Variants in IGF2R observed in about 807,000 individuals in gnomAD.
IGF2R encodes cation-independent mannose-6-phosphate receptor.
In IGF2R, 91 loss-of-function variants were observed where a neutral mutation model predicts 270.6. The ratio of observed to expected loss-of-function variants is 0.34; its 90% CI spans 0.28 to 0.40. The LOEUF is 0.40. IGF2R is among the 10% of genes least tolerant of loss of function. The pLI is 1.00. For synonymous variants in IGF2R, 1,316 were observed against 1,258.9 expected (o/e 1.05, Z -0.96); for missense variants, 2,805 against 3,188.3 (o/e 0.88, Z 2.90).
At chr6:160,064,655 C>T (rs1011164159) in intron 28 of IGF2R, 124 bp downstream of exon 28, 13 of 1,203,948 alleles carry the variant, frequency 1.1e-5, no homozygotes, top group Non-Finnish European at 1.6e-5. Flanking sequence ...TTAAAATAAC[C>T]ATTTACAGAA....
rs533897936 is a variant in IGF2R at position 160,017,716 on chromosome 6, G to GA, written c.514-6848dup. ...GGTTTCTCTTTTCAAGGTGCTTAAG[G>GA]AAAAAAAATCTGTCAACCCTGAATT... is the stretch of plus-strand genomic sequence containing the variant. On this transcript the variant is annotated intron_variant, in intron 4 of 47. Transcript: ENST00000356956. 5.5e-4 allele frequency among the ~76,000 whole-genome samples: 84 copies of GA among 151,904 alleles called. No individual in the cohort carries two copies. In the East Asian group the frequency reaches 0.014, roughly 25 times the overall value.
intron 1 of IGF2R, among the ~76,000 whole-genome samples, chr6:159,980,180 C>CA (rs1203923958): frequency 1.1e-5 from 1 of 87,326 alleles, no homozygotes; most frequent in African/African-American, 4.7e-5. Context: ...GACTCCGTCT[C>CA]AAAAAAGAAA....
At chr6:160,086,459 C>T (rs1022450454) in intron 41 of IGF2R, among the ~76,000 whole-genome samples, 5 of 152,158 alleles carry the variant, frequency 3.3e-5, no homozygotes, top group Admixed American at 1.3e-4. Flanking sequence ...ACCAACATGT[C>T]TCAAGCAGCT....
At chr6:160,065,166 T>C (rs1562364109) in intron 29 of IGF2R, among the ~76,000 whole-genome samples, 2 of 152,168 alleles carry the variant, frequency 1.3e-5, no homozygotes, top group Non-Finnish European at 1.5e-5. Context: ...CACATGTCAG[T>C]GAGCAGAGTG....
rs777837703 is a variant in IGF2R at position 160,068,400 on chromosome 6, C to T, written c.4252+15C>T. 15 of 1,612,850 alleles carry T rather than the reference C, an allele frequency of 9.3e-6. No individual in the cohort carries two copies. In the Admixed American group the frequency reaches 1.3e-4, roughly 14 times the overall value. On this transcript the variant is annotated intron_variant, in intron 30 of 47. Transcript: ENST00000356956. Reference sequence around the variant, plus strand: ...GGCTGGCACTGGTGAGAGAGGGCCTCCTCGTGGGGTGGTGTTTGCAGTGAG... The same window carrying T: ...GGCTGGCACTGGTGAGAGAGGGCCTTCTCGTGGGGTGGTGTTTGCAGTGAG...
chr6:159,969,350 CG>C lies in IGF2R; in HGVS notation c.108del (p.Ser37ProfsTer52), dbSNP rs1234163032. 4.6e-6 allele frequency: 6 copies of C among 1,314,990 alleles called. No homozygotes were observed. The highest frequency in any genetic ancestry group is 2.2e-5 in the South Asian group (1 of 45,514). The allele number at this position is 1,314,990 out of a possible 1,614,324, so 81.5% of individuals were successfully genotyped here. A position where few individuals can be genotyped will look rare whatever the true frequency, so the allele number is the denominator to read the frequency against. On this transcript the variant is annotated frameshift_variant, in exon 1 of 48. Transcript: ENST00000356956. LOFTEE classifies it high-confidence loss of function. ...CAGCTGCTGCTGCTCGTCGCTGCCC[CG>C]GGGTCCACGCAGGCCCAGGCCGCCC... is the stretch of plus-strand genomic sequence containing the variant. ...LLQLLLLVAAPGSTQAQAAPF... is the reference protein window; with the variant it reads ...LLQLLLLVAAXGSTQAQAAPF...
intron 38 of IGF2R, 53 bp downstream of exon 38, chr6:160,079,840 TTAGACA>T: frequency 7.1e-7 from 1 of 1,407,474 alleles, no homozygotes; most frequent in Non-Finnish European, 9.5e-7. Flanking sequence ...AAACTAGAAA[TTAGACA>T]TAGCAGCAGA....
chr6:160,102,216 A>AG lies in IGF2R; in HGVS notation c.6843-298dup, dbSNP rs1779502383. Among the ~76,000 whole-genome samples the AG allele has an allele frequency of 6.6e-6, 1 of 152,070 alleles. No individual in the cohort carries two copies. Among genetic ancestry groups the AG allele is most frequent in the African/African-American group, 2.4e-5 (1 of 41,396 alleles). ...TCCTGCCGTGGATTGGGCCACCTAG[A>AG]GGGGGCCGCGTCCCTCCTGCCTGTC... On this transcript the variant is annotated intron_variant, in intron 45 of 47. Transcript: ENST00000356956. This position sits in a 1 kb window ranked among gnomAD's most constrained non-coding sequence, Gnocchi z 4.5.
intron 2 of IGF2R, chr6:160,006,915 T>G (rs1784249596): frequency 1.1e-5 from 1 of 95,220 alleles, no homozygotes. Flanking sequence ...CTTGTATTAA[T>G]TTTTTTTTTT....
At chr6:160,010,462 G>C in intron 3 of IGF2R, 1 of 443,516 alleles carries the variant, frequency 2.3e-6, no homozygotes, top group South Asian at 3.6e-5. Context: ...GAATTCCTTT[G>C]GATTAGTTAC....
At chr6:160,062,035 G>A (rs1052084665) in intron 25 of IGF2R, 107 bp downstream of exon 25, 11 of 1,081,266 alleles carry the variant, frequency 1.0e-5, no homozygotes, top group African/African-American at 1.6e-5. Flanking sequence ...CTGTGTTTTC[G>A]TGGAGTTTCA....
rs753633732 is a variant in IGF2R, at chr6:160,029,669, C to T, written c.882+14C>T. On this transcript the variant is annotated intron_variant, in intron 7 of 47. Coordinates refer to ENST00000356956, the MANE Select transcript of IGF2R (RefSeq NM_000876.4). ...GAGCGGAGAGAGGTAAGTGACTCGT[C>T]TCCTGATCACTAATGTGGCGCACAG... 2.6e-6 allele frequency: 4 copies of T among 1,557,788 alleles called. No homozygotes were observed. Among genetic ancestry groups the T allele is most frequent in the African/African-American group, 1.4e-5 (1 of 74,014 alleles).
At chr6:160,099,349 A>G (rs930770174) in intron 45 of IGF2R, among the ~76,000 whole-genome samples, 7 of 151,548 alleles carry the variant, frequency 4.6e-5, no homozygotes, top group Non-Finnish European at 1.0e-4. Context: ...ATGTTATGTT[A>G]TGTTATGTTA....
At chr6:160,039,191 A>T (rs1038372094) in intron 10 of IGF2R, among the ~76,000 whole-genome samples, 24 of 152,222 alleles carry the variant, frequency 1.6e-4, no homozygotes, top group African/African-American at 5.8e-4. Context: ...CCTAAGCTAT[A>T]TGGTGTAGCC....
At chr6:160,048,245 C>G in intron 17 of IGF2R, 130 bp from the exon 18 acceptor site, 1 of 885,940 alleles carries the variant, frequency 1.1e-6, no homozygotes, top group Non-Finnish European at 1.8e-6. Flanking sequence ...CCAGACAAGC[C>G]AACTCCTGGT....
chr6:160,012,407 G>T (rs1294255926), intron 4 of IGF2R, among the ~76,000 whole-genome samples: 3 of 152,126 alleles, frequency 2.0e-5, no homozygotes, highest in Non-Finnish European at 4.4e-5. Flanking sequence ...AGTTCCGCAG[G>T]TTGTAAAGGA....
intron 4 of IGF2R, among the ~76,000 whole-genome samples, chr6:160,012,763 A>AT (rs370417751): frequency 2.3e-4 from 30 of 128,060 alleles, no homozygotes; most frequent in African/African-American, 6.7e-4. Context: ...ATATATATAT[A>AT]TTTTTTTTTT....
chr6:160,100,022 C>T (rs1779447741), intron 45 of IGF2R, among the ~76,000 whole-genome samples: 1 of 152,092 alleles, frequency 6.6e-6, no homozygotes, highest in Admixed American at 6.5e-5. Context: ...TAGTATGTAA[C>T]TTCCAAAACA....
intron 45 of IGF2R, among the ~76,000 whole-genome samples, chr6:160,100,537 G>C (rs1779458500): frequency 6.6e-6 from 1 of 152,034 alleles, no homozygotes; most frequent in Non-Finnish European, 1.5e-5. Context: ...GTGATTGCTG[G>C]GTTGAGTAGA....
Sources: gnomAD v4.1 joint callset for allele counts (sites outside exome capture counted in the v4.1 genomes callset) on GRCh38, gnomAD v4.1.1 for gene constraint, Gnocchi (gnomAD v3.1) non-coding constraint, MANE v1.5 for transcripts, NCBI Gene and HGNC (gene_info 2026-07-23, HGNC 2026-07-21) for gene names.